GPC6: variants seen among roughly 807,000 people sequenced by gnomAD.
GPC6 encodes the protein glypican 6, also known as glypican-6.
A neutral mutation model predicts 55.2 loss-of-function variants in GPC6; 14 were observed. The ratio of observed to expected loss-of-function variants is 0.25; its 90% CI spans 0.17 to 0.40. GPC6 has a LOEUF of 0.40. GPC6 is among the 10% of genes least tolerant of loss of function. GPC6 has a pLI of 1.00. For synonymous variants in GPC6, 278 were observed against 259.6 expected, an observed-to-expected ratio of 1.07 and a Z score of -0.68; for missense variants, 641 against 708.5, an observed-to-expected ratio of 0.90 and a Z score of 1.08.
chr13:94,073,531 A>G (rs1208039973), intron 4 of GPC6, among the ~76,000 whole-genome samples: 1 of 152,142 alleles, frequency 6.6e-6, no homozygotes, highest in Non-Finnish European at 1.5e-5. Context: ...ATAATTTGCC[A>G]TTTTAATGTC....
intron 4 of GPC6, among the ~76,000 whole-genome samples, chr13:94,212,396 T>C (rs1490886474): frequency 6.6e-6 from 1 of 152,196 alleles, no homozygotes; most frequent in Non-Finnish European, 1.5e-5. Flanking sequence ...CTGAAGCTCA[T>C]TAGTTTCCAG....
intron 2 of GPC6, among the ~76,000 whole-genome samples, chr13:93,807,729 G>A (rs553646457): frequency 2.0e-5 from 3 of 152,298 alleles, no homozygotes; most frequent in Admixed American, 2.0e-4. Flanking sequence ...GTGACGGCTT[G>A]ACACTGGTGT....
chr13:93,306,613 G>A (rs1435032929), intron 1 of GPC6, among the ~76,000 whole-genome samples: 4 of 151,892 alleles, frequency 2.6e-5, no homozygotes, highest in Admixed American at 6.6e-5. Flanking sequence ...ATTGATCTAG[G>A]ATTTCACTTC....
intron 7 of GPC6, among the ~76,000 whole-genome samples, chr13:94,389,423 T>G (rs1349655265): frequency 6.6e-6 from 1 of 152,124 alleles, no homozygotes; most frequent in Non-Finnish European, 1.5e-5. Flanking sequence ...AATAAAGCTT[T>G]TATATGGTTA....
At chr13:93,331,411 C>G (rs1276006276) in intron 1 of GPC6, among the ~76,000 whole-genome samples, 1 of 152,094 alleles carries the variant, frequency 6.6e-6, no homozygotes, top group African/African-American at 2.4e-5. Context: ...CCCTTTGGCT[C>G]TCTTTCTTAA....
At chr13:93,407,516 G>A (rs1327743343) in intron 1 of GPC6, among the ~76,000 whole-genome samples, 1 of 152,110 alleles carries the variant, frequency 6.6e-6, no homozygotes, top group African/African-American at 2.4e-5. Context: ...GCAAAATGCT[G>A]CATTTCTAAA....
chr13:93,578,762 G>A (rs1876795879), intron 2 of GPC6, among the ~76,000 whole-genome samples: 1 of 150,434 alleles, frequency 6.6e-6, no homozygotes, highest in Non-Finnish European at 1.5e-5. Context: ...TGGGTTCCTT[G>A]AGGTTCATTT....
chr13:93,237,843 T>G (rs1876291200), intron 1 of GPC6, among the ~76,000 whole-genome samples: 1 of 152,174 alleles, frequency 6.6e-6, no homozygotes, highest in African/African-American at 2.4e-5. Context: ...CAGTGTATGT[T>G]TTTGTCTGCT....
chr13:93,560,227 G>T (rs3848061), intron 2 of GPC6, among the ~76,000 whole-genome samples: 126,201 of 152,014 alleles, frequency 0.83, 52,490 homozygotes, highest in East Asian at 0.92. Context: ...AAAAATAATG[G>T]ATTTGCAGTT....
Position 93,227,326 on chromosome 13 carries a change from C to T in GPC6, c.-131C>T, listed in dbSNP as rs1482674393. ...AGGGCTGCGCTGCTCGTCCCCTCGGCTGGCAGAAGGGGGTGACGCTGGGCA... is the reference window on the plus strand; with the variant it reads ...AGGGCTGCGCTGCTCGTCCCCTCGGTTGGCAGAAGGGGGTGACGCTGGGCA... On this transcript the variant is annotated 5_prime_UTR_variant, in exon 1 of 9. Coordinates refer to ENST00000377047, the MANE Select transcript of GPC6 (RefSeq NM_005708.5). The surrounding 1 kb of genome is among the most constrained non-coding windows in gnomAD (Gnocchi z 4.3). 1.2e-6 allele frequency: 1 copy of T among 852,020 alleles called. No homozygotes were observed. Among genetic ancestry groups the T allele is most frequent in the East Asian group, 2.5e-5 (1 of 40,796 alleles). The allele number at this position is 852,020 out of a possible 1,614,324, so 52.8% of individuals were successfully genotyped here.
intron 2 of GPC6, among the ~76,000 whole-genome samples, chr13:93,776,924 A>G (rs1168531470): frequency 6.6e-6 from 1 of 152,172 alleles, no homozygotes; most frequent in African/African-American, 2.4e-5. Flanking sequence ...AACTATACGG[A>G]ACAGTTGTGC....
At chr13:93,935,831 A>G (rs541928478) in intron 3 of GPC6, among the ~76,000 whole-genome samples, 16 of 152,328 alleles carry the variant, frequency 1.1e-4, no homozygotes, top group Non-Finnish European at 2.4e-4. Context: ...TTCTTGGACC[A>G]TCTGCTTCAG....
At chr13:93,424,307 A>G (rs970229159) in intron 1 of GPC6, among the ~76,000 whole-genome samples, 1 of 152,148 alleles carries the variant, frequency 6.6e-6, no homozygotes, top group Non-Finnish European at 1.5e-5. Flanking sequence ...CCCAGCATCG[A>G]CCAAGTTATT....
intron 4 of GPC6, among the ~76,000 whole-genome samples, chr13:94,245,557 A>G (rs902037755): frequency 6.6e-5 from 10 of 151,978 alleles, no homozygotes; most frequent in Admixed American, 5.9e-4. Flanking sequence ...GCAAGAGAGT[A>G]AGACCCTCCC....
At chr13:93,922,486 T>A (rs1274992084) in intron 3 of GPC6, among the ~76,000 whole-genome samples, 2 of 152,180 alleles carry the variant, frequency 1.3e-5, no homozygotes, top group Non-Finnish European at 2.9e-5. Flanking sequence ...TTGGCACTGT[T>A]GTCATTTTGG....
chr13:93,943,620 CA>C (rs140736257), intron 3 of GPC6, among the ~76,000 whole-genome samples: 3 of 149,554 alleles, frequency 2.0e-5, no homozygotes, highest in Admixed American at 1.3e-4. Context: ...CAGTCTCTTT[CA>C]AAAAAAAAAT....
chr13:93,631,895 C>A (rs1879458139), intron 2 of GPC6, among the ~76,000 whole-genome samples: 1 of 152,080 alleles, frequency 6.6e-6, no homozygotes, highest in African/African-American at 2.4e-5. Context: ...TAGTATGTGC[C>A]TTCTGGGATT....
intron 1 of GPC6, among the ~76,000 whole-genome samples, chr13:93,407,815 G>A (rs1876349573): frequency 6.6e-6 from 1 of 152,070 alleles, no homozygotes; most frequent in African/African-American, 2.4e-5. Flanking sequence ...CTTTTAAAAT[G>A]GAGAAGCTAA....
chr13:93,308,012 C>T (rs1161865972), intron 1 of GPC6, among the ~76,000 whole-genome samples: 6 of 151,994 alleles, frequency 3.9e-5, no homozygotes, highest in Non-Finnish European at 7.4e-5. Flanking sequence ...AGGCCGGGCA[C>T]GGTGGCTCAC....
Sources: allele counts gnomAD v4.1 joint callset (sites outside exome capture counted in the v4.1 genomes callset), GRCh38; gene constraint gnomAD v4.1.1; non-coding constraint Gnocchi (gnomAD v3.1); transcripts MANE v1.5; gene names NCBI Gene and HGNC (gene_info 2026-07-23, HGNC 2026-07-21).